GCGR: variants seen among roughly 807,000 people sequenced by gnomAD.
The protein encoded by GCGR is glucagon receptor.
A neutral mutation model predicts 56.1 loss-of-function variants in GCGR; 41 were observed. The ratio of observed to expected loss-of-function variants is 0.73; its 90% CI spans 0.57 to 0.95. GCGR has a LOEUF of 0.95. Among genes scored for constraint, GCGR ranks in the 40% least tolerant of loss-of-function variants. The pLI is 0.00. For synonymous variants in GCGR, 278 were observed against 271.1 expected (o/e 1.03, Z -0.25); for missense variants, 595 against 638.2 (o/e 0.93, Z 0.73).
rs1324055171 is a variant in GCGR, at chr17:81,804,369, C to G, written c.-178+120C>G. Reference sequence around the variant, plus strand: ...GGGAGCGGGGAGCCGGCCGGGCGGTCTCCGGGGTCCGGGCTGGTGCGCTCC... The same window carrying G: ...GGGAGCGGGGAGCCGGCCGGGCGGTGTCCGGGGTCCGGGCTGGTGCGCTCC... On this transcript the variant is annotated intron_variant, in intron 1 of 13. Coordinates refer to ENST00000400723, the MANE Select transcript of GCGR (RefSeq NM_000160.5). This position sits in a 1 kb window ranked among gnomAD's most constrained non-coding sequence, Gnocchi z 8.2. The G allele has an allele frequency of 6.6e-6, 1 of 152,648 alleles. No homozygotes were observed. The highest frequency in any genetic ancestry group is 6.6e-5 in the Admixed American group (1 of 15,240). 9.5% of individuals were successfully genotyped at this position (152,648 alleles called of 1,614,324 possible).
rs1454621277 is a variant in GCGR, at chr17:81,812,249, C to G, written c.945C>G (p.Ile315Met). Reference protein sequence around the residue: ...WILRFPVFLAILINFFIFVRI... With the variant: ...WILRFPVFLAMLINFFIFVRI... ...TGCGGTTCCCCGTCTTCCTGGCCAT[C>G]CTGGTGAGGAAATGAAGAGCCAGGA... Residue 315 changes from isoleucine to methionine, a missense_variant, in exon 10 of 14, where the codon ATC (isoleucine) becomes ATG (methionine). By Grantham distance (10) the Ile-to-Met change is conservative. Transcript: ENST00000400723. The surrounding 1 kb of genome is among the most constrained non-coding windows in gnomAD (Gnocchi z 8.5). 4 of 1,535,534 alleles carry G rather than the reference C, an allele frequency of 2.6e-6. No individual in the cohort carries two copies. Among genetic ancestry groups the G allele is most frequent in the Middle Eastern group, 1.9e-4 (1 of 5,302 alleles).
intron 2 of GCGR, among the ~76,000 whole-genome samples, chr17:81,809,291 T>TCTGCCTGCCTGTCTGC (rs764027336): frequency 1.7e-5 from 2 of 116,924 alleles, no homozygotes; most frequent in South Asian, 2.6e-4. Flanking sequence ...TGCCTGTCCG[T>TCTGCCTGCCTGTCTGC]CTGCCTGTCT....
At position 81,812,783 on chromosome 17, in the gene GCGR, G is replaced by A. The variant is rs1373254528; in HGVS notation, c.1038-24G>A. On this transcript the variant is annotated intron_variant, in intron 11 of 13. Transcript: ENST00000400723. This position sits in a 1 kb window ranked among gnomAD's most constrained non-coding sequence, Gnocchi z 8.5. ...TGCGGGCCGAGGGTGGGGGCGGTGG[G>A]TGACTCAGGCGCTGCCTCTGCAGGC... 1 of 1,535,294 alleles carries A rather than the reference G, an allele frequency of 6.5e-7. No homozygotes were observed. Among genetic ancestry groups the A allele is most frequent in the Admixed American group, 2.0e-5 (1 of 50,982 alleles).
intron 1 of GCGR, among the ~76,000 whole-genome samples, chr17:81,805,781 G>A (rs139076855): frequency 0.018 from 2,780 of 152,274 alleles, 44 homozygotes; most frequent in Middle Eastern, 0.082. Context: ...TGTGAAGGTG[G>A]AGGGTGGGGT....
At position 81,812,295 on chromosome 17, in the gene GCGR, C is replaced by G; in HGVS notation, c.948+43C>G. 1 of 1,530,466 alleles carries G rather than the reference C, an allele frequency of 6.5e-7. No homozygotes were observed. Among genetic ancestry groups the G allele is most frequent in the South Asian group, 1.2e-5 (1 of 83,916 alleles). The allele number at this position is 1,530,466 out of a possible 1,614,324, so 94.8% of individuals were successfully genotyped here. A position where few individuals can be genotyped will look rare whatever the true frequency, so the allele number is the denominator to read the frequency against. On this transcript the variant is annotated intron_variant, in intron 10 of 13. Coordinates refer to ENST00000400723, the MANE Select transcript of GCGR (RefSeq NM_000160.5). This position sits in a 1 kb window ranked among gnomAD's most constrained non-coding sequence, Gnocchi z 8.5. ...CAGGAGCGCACCCCAGGCCCCTCCT[C>G]CCTTGGCGTCCTGAGGCTGCCCCAG...
Position 81,808,919 on chromosome 17 carries a change from A to G in GCGR, c.-100A>G. The G allele has an allele frequency of 7.0e-7, 1 of 1,428,134 alleles. No homozygotes were observed. Among genetic ancestry groups the G allele is most frequent in the Non-Finnish European group, 9.5e-7 (1 of 1,050,566 alleles). 88.5% of individuals were successfully genotyped at this position (1,428,134 alleles called of 1,614,324 possible). A position where few individuals can be genotyped will look rare whatever the true frequency, so the allele number is the denominator to read the frequency against. On this transcript the variant is annotated 5_prime_UTR_variant, in exon 2 of 14. Transcript: ENST00000400723. ...ACGCCCCAGGCTCTGCTGCTCTGCC[A>G]CTCAGCTGCCCTCGGAGGAGCGTAC... is the stretch of plus-strand genomic sequence containing the variant.
At chr17:81,809,569 G>A (rs1353077465) in intron 2 of GCGR, among the ~76,000 whole-genome samples, 1 of 148,430 alleles carries the variant, frequency 6.7e-6, no homozygotes, top group Non-Finnish European at 1.5e-5. Flanking sequence ...CTGTCCGTCT[G>A]CCTGTCTGTC....
chr17:81,810,905 C>T lies in GCGR; in HGVS notation c.244C>T (p.Pro82Ser), dbSNP rs1378394827. 2.6e-6 allele frequency: 4 copies of T among 1,536,680 alleles called. No individual in the cohort carries two copies. The highest frequency in any genetic ancestry group is 3.5e-6 in the Non-Finnish European group (4 of 1,146,886). Residue 82 changes from proline (P) to serine (S), a missense_variant, in exon 4 of 14, where the codon CCC (proline) becomes TCC (serine). By Grantham distance (74) the Pro-to-Ser change is moderately conservative (BLOSUM62 -1). Coordinates refer to ENST00000400723, the MANE Select transcript of GCGR (RefSeq NM_000160.5). This position sits in a 1 kb window ranked among gnomAD's most constrained non-coding sequence, Gnocchi z 4.6. Reference sequence around the variant, plus strand: ...CAATACCACGGCCAACATCTCCTGCCCCTGGTACCTGCCTTGGCACCACAA... The same window carrying T: ...CAATACCACGGCCAACATCTCCTGCTCCTGGTACCTGCCTTGGCACCACAA... ...PANTTANISC[P>S]WYLPWHHKVQ...
In GCGR at chr17:81,809,826, G is replaced by A. The variant is rs1197806643; in HGVS notation, c.105G>A (p.Lys35=). 49 of 1,536,582 alleles carry A rather than the reference G, an allele frequency of 3.2e-5. No individual in the cohort carries two copies. The highest frequency in any genetic ancestry group is 3.7e-5 in the Non-Finnish European group (43 of 1,146,886). ...SAQVMDFLFE[K]WKLYGDQCHH... ...AGGTGATGGACTTCCTGTTTGAGAA[G>A]TGGAAGCTCTACGGTGACCAGTGTC... The change falls in exon 3 of 14, where the codon AAG becomes AAA. Residue 35 remains lysine, a synonymous_variant. Transcript: ENST00000400723.
In GCGR at chr17:81,812,480, C is replaced by T; in HGVS notation, c.949-97C>T. ...TGTGGCCCAGGGCCTATCTTGCTGC[C>T]AGGCCCACCTGCAGGAGGGTCAGGT... On this transcript the variant is annotated intron_variant, in intron 10 of 13. Transcript: ENST00000400723. The surrounding 1 kb of genome is among the most constrained non-coding windows in gnomAD (Gnocchi z 8.5). The T allele has an allele frequency of 1.6e-6, 2 of 1,250,184 alleles. No homozygotes were observed. The highest frequency in any genetic ancestry group is 2.6e-5 in the East Asian group (1 of 39,170). The allele number at this position is 1,250,184 out of a possible 1,614,324, so 77.4% of individuals were successfully genotyped here. A position where few individuals can be genotyped will look rare whatever the true frequency, so the allele number is the denominator to read the frequency against.
rs1166981318 is a variant in GCGR at position 81,813,542 on chromosome 17, C to T, written c.1287C>T (p.Asn429=). ...RLGKVLWEER[N]TSNHRASSSP... ...GCAAAGTGCTATGGGAGGAGCGGAA[C>T]ACCAGCAACCACAGGGCCTCATCTT... Residue 429 remains asparagine (N), a synonymous_variant, in exon 14 of 14, where the codon AAC becomes AAT. Transcript: ENST00000400723. This position sits in a 1 kb window ranked among gnomAD's most constrained non-coding sequence, Gnocchi z 5.3. 5 of 1,536,102 alleles carry T rather than the reference C, an allele frequency of 3.3e-6. No homozygotes were observed. The highest frequency in any genetic ancestry group is 4.4e-6 in the Non-Finnish European group (5 of 1,146,812).
chr17:81,804,220 G>C lies in GCGR; in HGVS notation c.-207G>C, dbSNP rs1448653272. The C allele has an allele frequency of 6.6e-6, 1 of 151,544 alleles. No homozygotes were observed. Among genetic ancestry groups the C allele is most frequent in the Admixed American group, 6.6e-5 (1 of 15,186 alleles). The allele number at this position is 151,544 out of a possible 1,614,324, so 9.4% of individuals were successfully genotyped here. On this transcript the variant is annotated 5_prime_UTR_variant, in exon 1 of 14. Transcript: ENST00000400723. This position sits in a 1 kb window ranked among gnomAD's most constrained non-coding sequence, Gnocchi z 8.2. ...GAGCGCGCCCAGAGGACGGCGGGGA[G>C]CCAAGCCGACCCCCGAGCAGCGCCG...
At chr17:81,809,138 G>A (rs1485230047) in intron 2 of GCGR, 60 bp downstream of exon 2, 10 of 1,508,932 alleles carry the variant, frequency 6.6e-6, no homozygotes, top group African/African-American at 1.4e-5. Context: ...GCACACTGAT[G>A]GCTCTCTGTC....
rs780849172 is a variant in GCGR at position 81,813,660 on chromosome 17, C to T, written c.1405C>T (p.Leu469Phe). The T allele has an allele frequency of 1.2e-5, 18 of 1,535,730 alleles. No individual in the cohort carries two copies. The South Asian group carries it at 2.1e-4, about 18-fold the overall frequency. Residue 469 changes from leucine to phenylalanine, a missense_variant, in exon 14 of 14, where the codon CTC (leucine) becomes TTC (phenylalanine). By Grantham distance (22) the Leu-to-Phe change is conservative (BLOSUM62 0). Transcript: ENST00000400723. This position sits in a 1 kb window ranked among gnomAD's most constrained non-coding sequence, Gnocchi z 5.3. ...TGCGGAGACCCCCTTGGCTGGTGGC[C>T]TCCCTAGATTGGCTGAGAGCCCCTT... ...SSAETPLAGGLPRLAESPF is the reference protein window; with the variant it reads ...SSAETPLAGGFPRLAESPF
rs2038080946 is a variant in GCGR, at chr17:81,810,955, G to A, written c.271+23G>A. ...AAGGTACCCATAGAGGGGAGGAACT[G>A]TGGGGGGGGCGGGCCCAGGGTGGGG... is the stretch of plus-strand genomic sequence containing the variant. On this transcript the variant is annotated intron_variant, in intron 4 of 13. Coordinates refer to ENST00000400723, the MANE Select transcript of GCGR (RefSeq NM_000160.5). This position sits in a 1 kb window ranked among gnomAD's most constrained non-coding sequence, Gnocchi z 4.6. 1 of 1,536,104 alleles carries A rather than the reference G, an allele frequency of 6.5e-7. No homozygotes were observed. The highest frequency in any genetic ancestry group is 1.2e-5 in the South Asian group (1 of 84,064).
chr17:81,805,857 G>A (rs1243735349), intron 1 of GCGR, among the ~76,000 whole-genome samples: 3 of 152,122 alleles, frequency 2.0e-5, no homozygotes, highest in East Asian at 1.9e-4. Flanking sequence ...CTGTGGCCCC[G>A]GGGAGCCCCG....
chr17:81,812,648 C>T lies in GCGR; in HGVS notation c.1020C>T (p.His340=). The change falls in exon 11 of 14, where the codon CAC becomes CAT. Residue 340 remains histidine (H), a synonymous_variant. Transcript: ENST00000400723. This position sits in a 1 kb window ranked among gnomAD's most constrained non-coding sequence, Gnocchi z 8.5. ...VAKLRARQMH[H]TDYKFRLAKS... ...AGCTGCGGGCACGGCAGATGCACCA[C>T]ACAGACTACAAGTTCCGGTGGGTGC... 2 of 1,536,266 alleles carry T rather than the reference C, an allele frequency of 1.3e-6. No homozygotes were observed. Among genetic ancestry groups the T allele is most frequent in the East Asian group, 4.9e-5 (2 of 40,888 alleles).
chr17:81,811,183 G>A lies in GCGR; in HGVS notation c.394-39G>A. On this transcript the variant is annotated intron_variant, in intron 5 of 13. Transcript: ENST00000400723. The surrounding 1 kb of genome is among the most constrained non-coding windows in gnomAD (Gnocchi z 5.8). ...GGGGCTGGATGGGAACGGGCATGGG[G>A]GCCCCTGCCTGGCCCTCACAGGCCA... 2 of 1,536,112 alleles carry A rather than the reference G, an allele frequency of 1.3e-6. No homozygotes were observed. The highest frequency in any genetic ancestry group is 2.7e-5 in the African/African-American group (2 of 73,168).
At chr17:81,807,458 G>A (rs1283682716) in intron 1 of GCGR, among the ~76,000 whole-genome samples, 5 of 152,086 alleles carry the variant, frequency 3.3e-5, no homozygotes, top group South Asian at 2.1e-4. Context: ...GGCCCCACGC[G>A]GGCTCACCCA....
Sources: allele counts gnomAD v4.1 joint callset (sites outside exome capture counted in the v4.1 genomes callset), GRCh38; gene constraint gnomAD v4.1.1; non-coding constraint Gnocchi (gnomAD v3.1); transcripts MANE v1.5; gene names NCBI Gene and HGNC (gene_info 2026-07-23, HGNC 2026-07-21).